SETD1B: variants seen among roughly 807,000 people sequenced by gnomAD.
SETD1B encodes SET domain containing 1B, histone lysine methyltransferase, also known as histone-lysine N-methyltransferase SETD1B.
Under a neutral mutation model 148.0 loss-of-function variants are expected in SETD1B, and 7 were observed. The observed-to-expected ratio is 0.05, with a 90% CI of 0.03 to 0.09. The LOEUF is 0.09. SETD1B is among the 10% of genes least tolerant of loss of function. The probability of loss-of-function intolerance (pLI) is 1.00; values close to 1 mark genes in which losing one functional copy is unlikely to be tolerated. For synonymous variants in SETD1B, 1,361 were observed against 1,186.5 expected (o/e 1.15, Z -3.02); for missense variants, 2,155 against 2,729.9 (o/e 0.79, Z 4.69).
At position 121,808,003 on chromosome 12, in the gene SETD1B, A is replaced by G. The variant is rs1875833922; in HGVS notation, c.545-205A>G. 6.6e-6 allele frequency among the ~76,000 whole-genome samples: 1 copy of G among 152,110 alleles called. No individual in the cohort carries two copies. Among genetic ancestry groups the G allele is most frequent in the African/African-American group, 2.4e-5 (1 of 41,420 alleles). ...GAGCTTCTGGATCTCAGGATCAGAAAAATGGTGCAGCTCAGCAGCTTTGTT... is the reference window on the plus strand; with the variant it reads ...GAGCTTCTGGATCTCAGGATCAGAAGAATGGTGCAGCTCAGCAGCTTTGTT... On this transcript the variant is annotated intron_variant, in intron 4 of 16. Transcript: ENST00000604567. This position sits in a 1 kb window ranked among gnomAD's most constrained non-coding sequence, Gnocchi z 5.3.
intron 11 of SETD1B, 56 bp from the exon 12 acceptor site, chr12:121,822,434 C>CT: frequency 6.8e-7 from 1 of 1,479,486 alleles, no homozygotes; most frequent in Non-Finnish European, 9.0e-7. Flanking sequence ...AAATAAGGCA[C>CT]TGAGAGACGT....
intron 11 of SETD1B, 134 bp downstream of exon 11, chr12:121,820,029 CGGT>C: frequency 1.3e-6 from 1 of 752,028 alleles, no homozygotes; most frequent in African/African-American, 1.8e-5. Flanking sequence ...CGAGATCAGC[CGGT>C]TGTGCCTCCC....
upstream of SETD1B, chr12:121,803,654 CAGTTT>C (rs1875527339): frequency 6.6e-6 from 1 of 152,108 alleles, no homozygotes; most frequent in Non-Finnish European, 1.5e-5. The surrounding 1 kb of genome is among the most constrained non-coding windows in gnomAD (Gnocchi z 4.7). Flanking sequence ...CCGGCCCGGG[CAGTTT>C]GGAAACAGTT....
At chr12:121,815,738 T>C (rs1040490316) in intron 7 of SETD1B, among the ~76,000 whole-genome samples, 2 of 152,018 alleles carry the variant, frequency 1.3e-5, no homozygotes, top group Non-Finnish European at 2.9e-5. Context: ...CTTGAACTCC[T>C]AGGCTCAAGT....
intron 16 of SETD1B, 122 bp downstream of exon 16, chr12:121,828,192 G>A: frequency 7.5e-7 from 1 of 1,336,416 alleles, no homozygotes; most frequent in Non-Finnish European, 1.0e-6. Context: ...AGCTCAGGTT[G>A]GCCAAGGGTT....
chr12:121,824,780 A>C (rs935939319), intron 12 of SETD1B, among the ~76,000 whole-genome samples: 1 of 152,134 alleles, frequency 6.6e-6, no homozygotes, highest in African/African-American at 2.4e-5. Context: ...TGGGAGGCCG[A>C]GGTGGATGGA....
chr12:121,794,755 G>C, the SETD1B span, among the ~76,000 whole-genome samples: 5 of 144,424 alleles, frequency 3.5e-5, no homozygotes, highest in Admixed American at 1.4e-4. Context: ...GCACCACCCA[G>C]ATGAGTCGAC....
In SETD1B at chr12:121,830,286, C is replaced by G. The variant is rs1350298612; in HGVS notation, c.*47C>G. 4 of 1,521,190 alleles carry G rather than the reference C, an allele frequency of 2.6e-6. No individual in the cohort carries two copies. The highest frequency in any genetic ancestry group is 1.4e-5 in the African/African-American group (1 of 72,298). The allele number at this position is 1,521,190 out of a possible 1,614,324, so 94.2% of individuals were successfully genotyped here. On this transcript the variant is annotated 3_prime_UTR_variant, in exon 17 of 17. Transcript: ENST00000604567. The surrounding 1 kb of genome is among the most constrained non-coding windows in gnomAD (Gnocchi z 5.7). ...GATGTCAGCCGTAGCCCTGGGACTC[C>G]CGAGCGTGGAGCCCCTGGCCCCGGG...
At chr12:121,812,472 C>T (rs1876080856) in intron 6 of SETD1B, among the ~76,000 whole-genome samples, 1 of 151,812 alleles carries the variant, frequency 6.6e-6, no homozygotes, top group Admixed American at 6.5e-5. Context: ...ACAGGATGCT[C>T]CCGGCACCGC....
intron 12 of SETD1B, 34 bp downstream of exon 12, chr12:121,823,783 T>C (rs1236130418): frequency 2.0e-6 from 3 of 1,512,538 alleles, no homozygotes; most frequent in Non-Finnish European, 2.7e-6. Context: ...CTGCACCTTC[T>C]GGGATGCAGG....
intron 10 of SETD1B, among the ~76,000 whole-genome samples, chr12:121,819,080 AC>A (rs2137570410): frequency 6.6e-6 from 1 of 151,368 alleles, no homozygotes; most frequent in South Asian, 2.1e-4. Context: ...CCCTGTCTCT[AC>A]TAAAAGTACA....
rs1357346871 is a variant in SETD1B at position 121,823,687 on chromosome 12, G to A, written c.5108G>A (p.Arg1703Gln). The A allele has an allele frequency of 6.4e-6, 10 of 1,551,594 alleles. No homozygotes were observed. The highest frequency in any genetic ancestry group is 2.4e-5 in the East Asian group (1 of 40,912). The stretch of plus-strand genomic sequence containing the variant: ...CGCTTCCTGTGTGTCACCTACGAGC[G>A]ACTGCTACAGCAGGACAATGGCATG... Reference protein sequence around the residue: ...DIRFLCVTYERLLQQDNGMDW... With the variant: ...DIRFLCVTYEQLLQQDNGMDW... Residue 1703 changes from arginine (R) to glutamine (Q), a missense_variant, in exon 12 of 17, where the codon CGA (arginine) becomes CAA (glutamine). Physicochemically the swap from Arg to Gln is conservative, Grantham distance 43. Around this residue, in one of 11 missense-constraint regions of SETD1B, gnomAD observed 96 missense variants for 148.7 expected, o/e 0.65. Coordinates refer to ENST00000604567, the MANE Select transcript of SETD1B (RefSeq NM_001353345.2).
chr12:121,793,332 G>A, the SETD1B span: 9 of 1,444,886 alleles, frequency 6.2e-6, no homozygotes, highest in East Asian at 2.2e-4. Context: ...ACTCGTCCCG[G>A]ATCAGCCCCC....
At position 121,810,214 on chromosome 12, in the gene SETD1B, C is replaced by T. The variant is rs989109194; in HGVS notation, c.1269C>T (p.Arg423=). The T allele has an allele frequency of 1.4e-5, 22 of 1,549,250 alleles. No homozygotes were observed. The East Asian group carries it at 3.9e-4, about 28-fold the overall frequency. ...EPTATAAFGA[R]DSGEFRRAPA... ...CCGCCACAGCCGCTTTTGGGGCCCGCGACAGTGGGGAGTTCCGGAGGGCAC... is the reference window on the plus strand; with the variant it reads ...CCGCCACAGCCGCTTTTGGGGCCCGTGACAGTGGGGAGTTCCGGAGGGCAC... Residue 423 remains arginine, a synonymous_variant, in exon 6 of 17, where the codon CGC becomes CGT. Coordinates refer to ENST00000604567, the MANE Select transcript of SETD1B (RefSeq NM_001353345.2). This position sits in a 1 kb window ranked among gnomAD's most constrained non-coding sequence, Gnocchi z 7.6.
At chr12:121,806,335 C>T (rs1342909439) in intron 4 of SETD1B, among the ~76,000 whole-genome samples, 1 of 152,064 alleles carries the variant, frequency 6.6e-6, no homozygotes, top group African/African-American at 2.4e-5. Context: ...GGCCACCGCA[C>T]CCCTAGGGAC....
chr12:121,805,729 A>G lies in SETD1B; in HGVS notation c.274-106A>G, dbSNP rs1047219641. On this transcript the variant is annotated intron_variant, in intron 3 of 16. Coordinates refer to ENST00000604567, the MANE Select transcript of SETD1B (RefSeq NM_001353345.2). The surrounding 1 kb of genome is among the most constrained non-coding windows in gnomAD (Gnocchi z 4.2). ...TTAATTTTTAGTTTTTTTACCCTTT[A>G]TTGTTTTCAACGGGTGGGCGAGTTG... 1.4e-5 allele frequency: 14 copies of G among 980,506 alleles called. No individual in the cohort carries two copies. The highest frequency in any genetic ancestry group is 1.6e-5 in the Non-Finnish European group (12 of 736,160). The allele number at this position is 980,506 out of a possible 1,614,324, so 60.7% of individuals were successfully genotyped here.
At chr12:121,795,962 C>T in the SETD1B span, 1 of 152,438 alleles carries the variant, frequency 6.6e-6, no homozygotes, top group Non-Finnish European at 1.5e-5. Context: ...TGATACTGGC[C>T]CCAGTCTGCC....
chr12:121,814,636 T>G lies in SETD1B; in HGVS notation c.2421T>G (p.Ala807=). 1 of 1,547,034 alleles carries G rather than the reference T, an allele frequency of 6.5e-7. No individual in the cohort carries two copies. The highest frequency in any genetic ancestry group is 2.5e-5 in the East Asian group (1 of 40,708). Residue 807 remains alanine, a synonymous_variant, in exon 7 of 17, where the codon GCT becomes GCG. Transcript: ENST00000604567. ...CCGCTGCGGCCGCCGCTGCCTCAGC[T>G]GGGCTCCAGTTTGTCAACCTGCCGC... ...FMAAAAAAAS[A]GLQFVNLPPY...
chr12:121,825,811 A>AT (rs1256785411), intron 13 of SETD1B, among the ~76,000 whole-genome samples: 1 of 151,818 alleles, frequency 6.6e-6, no homozygotes, highest in Non-Finnish European at 1.5e-5. Context: ...TGCCTGGCTA[A>AT]TTTTTTGTAT....
Sources: gnomAD v4.1 joint callset for allele counts (sites outside exome capture counted in the v4.1 genomes callset) on GRCh38, gnomAD v4.1.1 for gene constraint, gnomAD v4.1.1 regional missense constraint, Gnocchi (gnomAD v3.1) non-coding constraint, MANE v1.5 for transcripts, NCBI Gene and HGNC (gene_info 2026-07-23, HGNC 2026-07-21) for gene names.